Variants in CEP170 observed in about 807,000 individuals in gnomAD.
The protein encoded by CEP170 is centrosomal protein 170, also known as centrosomal protein of 170 kDa.
A neutral mutation model predicts 151.9 loss-of-function variants in CEP170; 21 were observed. That is an observed-to-expected ratio of 0.14 (90% CI 0.10 to 0.20). CEP170 has a LOEUF of 0.20. Among genes scored for constraint, CEP170 ranks in the 10% least tolerant of loss-of-function variants. CEP170 has a pLI of 1.00. For missense variants in CEP170, 964 were observed against 1,892.9 expected, an observed-to-expected ratio of 0.51 and a Z score of 9.11; for synonymous variants, 356 against 648.8, an observed-to-expected ratio of 0.55 and a Z score of 6.86.
intron 10 of CEP170, chr1:243,176,861 C>T: frequency 2.5e-6 from 1 of 397,710 alleles, no homozygotes; most frequent in South Asian, 1.9e-5. Context: ...AACCAAATAT[C>T]CATAAGAACC....
chr1:243,148,130 G>A (rs1258041381), intron 14 of CEP170, among the ~76,000 whole-genome samples: 1 of 152,048 alleles, frequency 6.6e-6, no homozygotes, highest in Admixed American at 6.5e-5. Context: ...AGTGAGCCGA[G>A]ATCATGCCAC....
Position 243,148,051 on chromosome 1 carries a change from C to T in CEP170, c.3912-5588G>A, listed in dbSNP as rs186621606. Among the ~76,000 whole-genome samples the T allele has an allele frequency of 1.8e-4, 28 of 151,866 alleles. No homozygotes were observed. The East Asian group carries it at 5.5e-3, about 30-fold the overall frequency. ...AAAATTAGCCAGGCATGGTGGCATG[C>T]GCCTGTAGTCCCAGCTACTCGGGAG... On this transcript the variant is annotated intron_variant, in intron 14 of 19. Coordinates refer to ENST00000366542, the MANE Select transcript of CEP170 (RefSeq NM_014812.3).
chr1:243,246,473 C>G (rs2065411304), intron 1 of CEP170, among the ~76,000 whole-genome samples: 1 of 152,150 alleles, frequency 6.6e-6, no homozygotes, highest in Non-Finnish European at 1.5e-5. Flanking sequence ...CTCAAGTGAT[C>G]TGCTGGCTTC....
At chr1:243,219,395 T>C (rs574121640) in intron 3 of CEP170, among the ~76,000 whole-genome samples, 1 of 152,326 alleles carries the variant, frequency 6.6e-6, no homozygotes, top group Admixed American at 6.5e-5. Flanking sequence ...TGCTGATAAA[T>C]AACAGATCTG....
chr1:243,184,470 A>C (rs1357536692), intron 10 of CEP170, among the ~76,000 whole-genome samples: 1 of 151,522 alleles, frequency 6.6e-6, no homozygotes, highest in Non-Finnish European at 1.5e-5. Context: ...CTTAAACACT[A>C]TACTTTTCAT....
intron 4 of CEP170, among the ~76,000 whole-genome samples, chr1:243,205,050 A>T (rs935171399): frequency 6.6e-6 from 1 of 152,176 alleles, no homozygotes. Context: ...CTGCCCTGTG[A>T]AAGTTTCTAG....
At chr1:243,249,950 A>G (rs2065784208) in intron 1 of CEP170, among the ~76,000 whole-genome samples, 1 of 152,214 alleles carries the variant, frequency 6.6e-6, no homozygotes, top group African/African-American at 2.4e-5. Context: ...GCGTGCCTGT[A>G]GTCCCGGCTA....
intron 13 of CEP170, among the ~76,000 whole-genome samples, chr1:243,161,190 C>A (rs1411536116): frequency 6.6e-6 from 1 of 151,612 alleles, no homozygotes; most frequent in Non-Finnish European, 1.5e-5. Flanking sequence ...GTAATCCCAG[C>A]TACTTGGGAG....
intron 10 of CEP170, chr1:243,175,137 AG>A (rs2059143085): frequency 6.6e-6 from 1 of 152,248 alleles, no homozygotes; most frequent in Non-Finnish European, 1.5e-5. Context: ...AAGCACCAGC[AG>A]TTTCAAATAA....
intron 1 of CEP170, among the ~76,000 whole-genome samples, chr1:243,242,409 G>A (rs1299797347): frequency 1.3e-5 from 2 of 151,770 alleles, no homozygotes; most frequent in African/African-American, 2.4e-5. Context: ...TAGTAGAGAC[G>A]GGGTTTCACC....
At chr1:243,191,786 A>T (rs1331364791) in intron 7 of CEP170, among the ~76,000 whole-genome samples, 5 of 152,150 alleles carry the variant, frequency 3.3e-5, no homozygotes. Context: ...ATTTTTTCCA[A>T]CCTGGATCTA....
Position 243,191,356 on chromosome 1 carries a change from C to T in CEP170, c.770G>A (p.Ser257Asn), listed in dbSNP as rs2060295196. 1 of 1,611,378 alleles carries T rather than the reference C, an allele frequency of 6.2e-7. No homozygotes were observed. Among genetic ancestry groups the T allele is most frequent in the Admixed American group, 1.7e-5 (1 of 59,692 alleles). Residue 257 changes from serine (S) to asparagine (N), a missense_variant, in exon 8 of 20, where the codon AGC becomes AAC. Ser to Asn is a conservative substitution (Grantham distance 46). Transcript: ENST00000366542. The part of the protein sequence containing the change: ...EFQQPSQITE[S>N]TIHEIPTKDT... ...TTTTGTTGGGATTTCATGAATAGTGCTTTCTGTTATTTGTGATGGTTGCTG... is the reference window on the plus strand; with the variant it reads ...TTTTGTTGGGATTTCATGAATAGTGTTTTCTGTTATTTGTGATGGTTGCTG...
In CEP170 at chr1:243,169,717, G is replaced by A; in HGVS notation, c.1754C>T (p.Ser585Leu). ...ATTGGCAGCCAAACTAGCCCACTGTGAAACCCAACGTTTGCTTCCAGATGA... is the reference window on the plus strand; with the variant it reads ...ATTGGCAGCCAAACTAGCCCACTGTAAAACCCAACGTTTGCTTCCAGATGA... ...TSSSGSKRWV[S>L]QWASLAANHT... is the part of the protein sequence containing the mutation. Residue 585 changes from serine (S) to leucine (L), a missense_variant, in exon 12 of 20, where the codon TCA (serine) becomes TTA (leucine). By Grantham distance (145) the Ser-to-Leu change is moderately radical (BLOSUM62 -2). Transcript: ENST00000366542. The A allele has an allele frequency of 6.2e-7, 1 of 1,613,582 alleles. No individual in the cohort carries two copies. Among genetic ancestry groups the A allele is most frequent in the Non-Finnish European group, 8.5e-7 (1 of 1,179,654 alleles).
At chr1:243,148,143 T>C (rs1796842) in intron 14 of CEP170, among the ~76,000 whole-genome samples, 1 of 151,258 alleles carries the variant, frequency 6.6e-6, no homozygotes, top group Non-Finnish European at 1.5e-5. Flanking sequence ...CATGCCACTA[T>C]ACTCCAGCCT....
chr1:243,188,303 G>GAT (rs1342304276), intron 8 of CEP170, among the ~76,000 whole-genome samples: 2 of 152,038 alleles, frequency 1.3e-5, no homozygotes, highest in Non-Finnish European at 2.9e-5. Flanking sequence ...GAATTTAATT[G>GAT]ATTCCAATAG....
chr1:243,163,538 A>G (rs2058225677), intron 13 of CEP170, among the ~76,000 whole-genome samples: 2 of 152,246 alleles, frequency 1.3e-5, no homozygotes, highest in Non-Finnish European at 1.5e-5. Flanking sequence ...TAGTTTTTGT[A>G]GTTATTATAT....
intron 3 of CEP170, among the ~76,000 whole-genome samples, chr1:243,213,402 T>C (rs1572351422): frequency 6.6e-6 from 1 of 152,188 alleles, no homozygotes; most frequent in Non-Finnish European, 1.5e-5. Context: ...AAATCCAGAA[T>C]TTCTGATTTA....
intron 14 of CEP170, 126 bp downstream of exon 14, chr1:243,156,095 T>G: frequency 7.8e-7 from 1 of 1,289,760 alleles, no homozygotes. Context: ...TAAACGGAGT[T>G]CACAGTTATC....
At chr1:243,144,054 A>C (rs2056187336) in intron 14 of CEP170, among the ~76,000 whole-genome samples, 1 of 152,254 alleles carries the variant, frequency 6.6e-6, no homozygotes, top group Non-Finnish European at 1.5e-5. Flanking sequence ...ACAAAGAGGC[A>C]GGAAAAACAC....
Sources: gnomAD v4.1 joint callset for allele counts (sites outside exome capture counted in the v4.1 genomes callset) on GRCh38, gnomAD v4.1.1 for gene constraint, MANE v1.5 for transcripts, NCBI Gene and HGNC (gene_info 2026-07-23, HGNC 2026-07-21) for gene names.